ZNF536: variants seen among roughly 807,000 people sequenced by gnomAD.
ZNF536 encodes zinc finger protein 536.
ZNF536 carries 13 observed loss-of-function variants against 84.5 expected under a neutral mutation model. The observed-to-expected ratio is 0.15, with a 90% CI of 0.10 to 0.24. ZNF536 has a LOEUF of 0.24. Among genes scored for constraint, ZNF536 ranks in the 10% least tolerant of loss-of-function variants. ZNF536 has a pLI of 1.00. For synonymous variants in ZNF536, 811 were observed against 742.5 expected (o/e 1.09, Z -1.50); for missense variants, 1,536 against 1,747.5 (o/e 0.88, Z 2.16).
At chr19:30,583,033 G>A (rs1000424159) in intron 1 of ZNF536, among the ~76,000 whole-genome samples, 1 of 152,138 alleles carries the variant, frequency 6.6e-6, no homozygotes, top group Non-Finnish European at 1.5e-5. Context: ...AAAGTCCTGG[G>A]ATTACAAGCA....
intron 2 of ZNF536, among the ~76,000 whole-genome samples, chr19:30,347,884 T>G (rs1407401510): frequency 6.6e-6 from 1 of 152,190 alleles, no homozygotes; most frequent in African/African-American, 2.4e-5. Context: ...GAGACAAAGA[T>G]GGGTGACCAA....
chr19:30,638,353 C>A (rs1263182204), intron 1 of ZNF536, among the ~76,000 whole-genome samples: 2 of 152,170 alleles, frequency 1.3e-5, no homozygotes, highest in African/African-American at 4.8e-5. Flanking sequence ...AATTGGCTCA[C>A]AGTCCTGTAG....
At chr19:30,547,809 TA>T (rs1179029039) in intron 3 of ZNF536, 133 bp from the exon 4 acceptor site, 5 of 1,038,380 alleles carry the variant, frequency 4.8e-6, no homozygotes, top group Admixed American at 3.0e-5. Context: ...ATTCTTCTAT[TA>T]AAAAACAGTT....
rs2048430660 is a variant in ZNF536, at chr19:30,366,370, A to ATCTATCTG, written c.-3+13893_-3+13894insGTCTATCT. 3.4e-5 allele frequency among the ~76,000 whole-genome samples: 5 copies of ATCTATCTG among 147,992 alleles called. 1 individual carries two copies. The South Asian group carries it at 1.1e-3, about 32-fold the overall frequency. ...TTATCTACCTATCATATCTCTATCT[A>ATCTATCTG]TCTATCTATCTATCTATCTATCTAT... On this transcript the variant is annotated intron_variant, in intron 3 of 5. Transcript: ENST00000585628.
intron 1 of ZNF536, among the ~76,000 whole-genome samples, chr19:30,402,589 A>G (rs945949378): frequency 2.4e-4 from 36 of 151,372 alleles, no homozygotes; most frequent in African/African-American, 7.5e-4. Flanking sequence ...GCCACCTTCC[A>G]TTTGCCTTTT....
intron 2 of ZNF536, among the ~76,000 whole-genome samples, chr19:30,512,952 TG>T (rs1467970232): frequency 6.6e-6 from 1 of 152,242 alleles, no homozygotes; most frequent in African/African-American, 2.4e-5. Flanking sequence ...GGTGTTATGT[TG>T]CTCTGGAGTA....
intron 1 of ZNF536, among the ~76,000 whole-genome samples, chr19:30,435,185 C>CTGATGATGATGCTGATGATGG (rs1423451609): frequency 1.5e-5 from 2 of 134,838 alleles, no homozygotes; most frequent in African/African-American, 5.7e-5. Flanking sequence ...GATGCTGCTG[C>CTGATGATGATGCTGATGATGG]TGATGATGAT....
chr19:30,623,510 G>A (rs1243386159), intron 1 of ZNF536, among the ~76,000 whole-genome samples: 1 of 152,210 alleles, frequency 6.6e-6, no homozygotes, highest in African/African-American at 2.4e-5. Flanking sequence ...GCTCAGTCTG[G>A]TCTGGCCACA....
chr19:30,706,897 G>A (rs2052259364), intron 1 of ZNF536, among the ~76,000 whole-genome samples: 1 of 152,178 alleles, frequency 6.6e-6, no homozygotes, highest in African/African-American at 2.4e-5. Flanking sequence ...TTTCAGAGAA[G>A]CTTTGGCCAA....
chr19:30,622,766 G>T (rs1238056783), intron 1 of ZNF536, among the ~76,000 whole-genome samples: 1 of 152,106 alleles, frequency 6.6e-6, no homozygotes, highest in Admixed American at 6.5e-5. Context: ...TTGGGGTGGT[G>T]CTTTGGGGAG....
chr19:30,612,933 C>A (rs145408996), intron 1 of ZNF536, among the ~76,000 whole-genome samples: 56 of 152,354 alleles, frequency 3.7e-4, no homozygotes, highest in African/African-American at 1.3e-3. Flanking sequence ...GCTCCTTAGC[C>A]TCCTCCAACG....
chr19:30,541,787 C>A (rs764047702), intron 3 of ZNF536, among the ~76,000 whole-genome samples: 2 of 152,212 alleles, frequency 1.3e-5, no homozygotes, highest in Non-Finnish European at 2.9e-5. Context: ...GGGAAAGTCA[C>A]ATAATGAATC....
intron 1 of ZNF536, among the ~76,000 whole-genome samples, chr19:30,681,278 T>C (rs2050960853): frequency 6.6e-6 from 1 of 152,168 alleles, no homozygotes; most frequent in Non-Finnish European, 1.5e-5. Flanking sequence ...CTCCTGGGGC[T>C]TTCTGCAGAC....
chr19:30,689,487 G>A (rs1240990147), intron 1 of ZNF536, among the ~76,000 whole-genome samples: 1 of 152,162 alleles, frequency 6.6e-6, no homozygotes. Context: ...ATCATTTTGG[G>A]AGGGGAGAGA....
rs112099923 is a variant in ZNF536, at chr19:30,568,024, T to C, written c.169+18510T>C. ...CCACAGAACAGGTTCTTTAGGGCTA[T>C]TATGATAATTAAAAACATATGGTGC... On this transcript the variant is annotated intron_variant, in intron 1 of 1. Coordinates refer to the ZNF536 transcript ENST00000592773. Among the ~76,000 whole-genome samples, 505 of 152,316 alleles carry C rather than the reference T, an allele frequency of 3.3e-3. 5 individuals carry two copies. The highest frequency in any genetic ancestry group is 0.011 in the African/African-American group (443 of 41,558).
chr19:30,236,128 A>T (rs2023480152), intron 1 of ZNF536, among the ~76,000 whole-genome samples: 1 of 152,274 alleles, frequency 6.6e-6, no homozygotes, highest in African/African-American at 2.4e-5. Flanking sequence ...AAGCGGCCAC[A>T]TGCCGGCATG....
intron 2 of ZNF536, among the ~76,000 whole-genome samples, chr19:30,501,293 A>G (rs1487502267): frequency 6.6e-6 from 1 of 152,174 alleles, no homozygotes; most frequent in Non-Finnish European, 1.5e-5. Flanking sequence ...GTTCATGGAA[A>G]AGGAAGCCAA....
chr19:30,557,129 T>C (rs758109579), intron 4 of ZNF536, 28 bp from the exon 5 acceptor site: 17 of 1,613,410 alleles, frequency 1.1e-5, no homozygotes, highest in Non-Finnish European at 1.4e-5. Flanking sequence ...TTCTGGATTA[T>C]TTAATAAATC....
chr19:30,292,775 G>A (rs1277620889), intron 2 of ZNF536, among the ~76,000 whole-genome samples: 3 of 152,196 alleles, frequency 2.0e-5, no homozygotes, highest in Admixed American at 6.5e-5. Flanking sequence ...GGTGAGCTAA[G>A]CTTTCCTTTA....
Sources: gnomAD v4.1 joint callset for allele counts (sites outside exome capture counted in the v4.1 genomes callset) on GRCh38, gnomAD v4.1.1 for gene constraint, MANE v1.5 for transcripts, NCBI Gene and HGNC (gene_info 2026-07-23, HGNC 2026-07-21) for gene names.